Variants in DMD observed in about 807,000 individuals in gnomAD.
The protein encoded by DMD is mutant dystrophin.
DMD carries 63 observed loss-of-function variants against 330.1 expected under a neutral mutation model. The observed-to-expected ratio is 0.19, with a 90% CI of 0.16 to 0.24. The LOEUF (loss-of-function observed/expected upper bound fraction) is 0.24. Ranked by LOEUF, DMD falls within the 10% of genes least tolerant of loss-of-function variation. DMD has a pLI of 1.00. For missense variants in DMD, 3,344 were observed against 2,684.1 expected (o/e 1.25, Z -5.43); for synonymous variants, 1,223 against 959.8 (o/e 1.27, Z -5.07).
chrX:33,050,547 C>G (rs2094444856), intron 1 of DMD, among the ~76,000 whole-genome samples: 1 of 111,939 alleles, frequency 8.9e-6, no homozygotes, highest in African/African-American at 3.2e-5. Flanking sequence ...AGGTCAACCA[C>G]TGTCAACCAA....
chrX:32,261,923 T>C (rs973432563), intron 43 of DMD, among the ~76,000 whole-genome samples: 4 of 111,911 alleles, frequency 3.6e-5, no homozygotes, highest in Non-Finnish European at 7.5e-5. Flanking sequence ...AATTATAATA[T>C]TAAATTATAA....
intron 9 of DMD, among the ~76,000 whole-genome samples, chrX:32,680,310 A>C (rs967264637): frequency 9.0e-6 from 1 of 111,661 alleles, no homozygotes; most frequent in African/African-American, 3.3e-5. Flanking sequence ...CGTAACGTTT[A>C]GAAACATCAC....
At position 32,343,292 on chromosome X, in the gene DMD, C is replaced by A. The variant is rs2146993001; in HGVS notation, c.5587-6G>T. On this transcript the variant is annotated splice_region_variant and splice_polypyrimidine_tract_variant and intron_variant, in intron 39 of 78. Coordinates refer to ENST00000357033, the MANE Select transcript of DMD (RefSeq NM_004006.3). ...CTTCTTTGAGACCTCAAATCCTGTT[C>A]ATGGTGCAGACATTATTAAAATATC... 1 of 1,196,282 alleles carries A rather than the reference C, an allele frequency of 8.4e-7. No individual in the cohort carries two copies. The highest frequency in any genetic ancestry group is 1.1e-6 in the Non-Finnish European group (1 of 882,144).
chrX:31,772,593 C>T (rs1023466633), intron 51 of DMD, among the ~76,000 whole-genome samples: 2 of 111,091 alleles, frequency 1.8e-5, no homozygotes, highest in Non-Finnish European at 3.8e-5. Flanking sequence ...CAGTTATTAC[C>T]GCAGCAATAG....
At chrX:31,897,871 G>A (rs1363581650) in intron 47 of DMD, among the ~76,000 whole-genome samples, 8 of 110,056 alleles carry the variant, frequency 7.3e-5, no homozygotes, top group Non-Finnish European at 1.5e-4. Context: ...CATTTTGTAG[G>A]TTGCCTGTTC....
At chrX:32,690,925 C>A (rs192635147) in intron 9 of DMD, among the ~76,000 whole-genome samples, 2 of 110,896 alleles carry the variant, frequency 1.8e-5, no homozygotes, top group Admixed American at 1.9e-4. Flanking sequence ...TGACATTCAT[C>A]CTCGCAATTA....
intron 51 of DMD, among the ~76,000 whole-genome samples, chrX:31,741,321 C>T (rs754140418): frequency 6.3e-5 from 7 of 111,773 alleles, no homozygotes; most frequent in Non-Finnish European, 1.1e-4. Context: ...GAGGACTTTC[C>T]GTTTTCAGTT....
At chrX:33,118,917 G>C (rs144007445) in intron 1 of DMD, among the ~76,000 whole-genome samples, 3,293 of 111,821 alleles carry the variant, frequency 0.029, 132 homozygotes, top group African/African-American at 0.1. Flanking sequence ...CTTCACCACT[G>C]TGGAAGAGCT....
At chrX:31,451,267 C>T (rs2065718175) in intron 59 of DMD, among the ~76,000 whole-genome samples, 2 of 76,973 alleles carry the variant, frequency 2.6e-5, no homozygotes, top group Non-Finnish European at 4.7e-5. Flanking sequence ...CCTTCCTTTC[C>T]TTCCTTTCTT....
intron 2 of DMD, among the ~76,000 whole-genome samples, chrX:32,972,678 T>A (rs1325586969): frequency 8.9e-6 from 1 of 112,271 alleles, no homozygotes; most frequent in Non-Finnish European, 1.9e-5. Flanking sequence ...CCTGAGCATC[T>A]AGGTTCAAAT....
intron 42 of DMD, among the ~76,000 whole-genome samples, chrX:32,301,920 C>G (rs2097524997): frequency 9.0e-6 from 1 of 111,325 alleles, no homozygotes; most frequent in Non-Finnish European, 1.9e-5. Flanking sequence ...ACAGCATCCT[C>G]TTCTTGGTAA....
intron 2 of DMD, among the ~76,000 whole-genome samples, chrX:32,989,020 A>C (rs1351952916): frequency 2.7e-5 from 3 of 111,624 alleles, no homozygotes; most frequent in Non-Finnish European, 5.7e-5. Flanking sequence ...CAAAAAGAAA[A>C]TAATGAAGGG....
chrX:32,728,187 A>C (rs975210925), intron 7 of DMD, among the ~76,000 whole-genome samples: 7 of 111,137 alleles, frequency 6.3e-5, no homozygotes, highest in African/African-American at 2.3e-4. Flanking sequence ...AGAAATATAA[A>C]ATTCAAAAAT....
chrX:31,444,576 C>A lies in DMD; in HGVS notation c.8989G>T (p.Asp2997Tyr). 1 of 1,211,774 alleles carries A rather than the reference C, an allele frequency of 8.3e-7. No individual in the cohort carries two copies. The highest frequency in any genetic ancestry group is 1.1e-6 in the Non-Finnish European group (1 of 895,516). The change falls in exon 60 of 79, where the codon GAC becomes TAC. Residue 2997 changes from aspartate to tyrosine, a missense_variant. Transcript: ENST00000357033. ...AAAGTGGTAAGCTGGCGAGCAAGGT[C>A]ATTGACGTGGCTCACGTTCTCTTTC... ...PLKENVSHVN[D>Y]LARQLTTLGI... is the part of the protein sequence containing the mutation.
At chrX:32,324,698 T>G (rs1374433288) in intron 41 of DMD, among the ~76,000 whole-genome samples, 1 of 111,668 alleles carries the variant, frequency 9.0e-6, no homozygotes, top group Non-Finnish European at 1.9e-5. Flanking sequence ...TAGCTGTAGT[T>G]GGTACCTTAC....
intron 63 of DMD, among the ~76,000 whole-genome samples, chrX:31,250,485 C>T (rs747167466): frequency 7.1e-5 from 8 of 111,937 alleles, no homozygotes; most frequent in Non-Finnish European, 1.5e-4. Context: ...AATTATCCTC[C>T]CCCGACCTGA....
intron 60 of DMD, among the ~76,000 whole-genome samples, chrX:31,365,255 G>A (rs760235351): frequency 1.8e-5 from 2 of 110,846 alleles, no homozygotes; most frequent in African/African-American, 3.3e-5. Flanking sequence ...AAAAGAGAAC[G>A]TTTACGTGAG....
At chrX:32,109,835 G>C (rs1462778537) in intron 44 of DMD, among the ~76,000 whole-genome samples, 1 of 111,381 alleles carries the variant, frequency 9.0e-6, no homozygotes, top group Non-Finnish European at 1.9e-5. Context: ...TAATTATTTT[G>C]TTTCTAATGT....
At chrX:32,749,018 G>A (rs1163056134) in intron 7 of DMD, among the ~76,000 whole-genome samples, 1 of 111,988 alleles carries the variant, frequency 8.9e-6, no homozygotes, top group Non-Finnish European at 1.9e-5. Context: ...GCCCCATTAG[G>A]TCCTAGGTAC....
Sources: allele counts gnomAD v4.1 joint callset (sites outside exome capture counted in the v4.1 genomes callset), GRCh38; gene constraint gnomAD v4.1.1; transcripts MANE v1.5; gene names NCBI Gene and HGNC (gene_info 2026-07-23, HGNC 2026-07-21).